Variants in RAI14 observed in about 807,000 individuals in gnomAD.
RAI14 encodes the protein retinoic acid induced 14, also known as ankycorbin.
RAI14 carries 45 observed loss-of-function variants against 115.4 expected under a neutral mutation model. The ratio of observed to expected loss-of-function variants is 0.39; its 90% CI spans 0.31 to 0.50. RAI14 has a LOEUF of 0.50. Ranked by LOEUF, RAI14 falls within the 20% of genes least tolerant of loss-of-function variation. The pLI is 0.85. For synonymous variants in RAI14, 371 were observed against 415.4 expected (o/e 0.89, Z 1.30); for missense variants, 939 against 1,131.2 (o/e 0.83, Z 2.44).
chr5:34,816,225 C>G (rs183405014), intron 12 of RAI14, among the ~76,000 whole-genome samples: 36 of 152,288 alleles, frequency 2.4e-4, no homozygotes, highest in African/African-American at 7.7e-4. Flanking sequence ...AGGTTTCTAT[C>G]TTGCAACTTT....
intron 1 of RAI14, among the ~76,000 whole-genome samples, chr5:34,663,821 G>A (rs921662913): frequency 2.0e-5 from 3 of 152,238 alleles, no homozygotes; most frequent in Admixed American, 1.3e-4. Context: ...AAGTTCAGAA[G>A]ATGTGAAAGA....
At chr5:34,817,712 C>G (rs762260973) in intron 12 of RAI14, among the ~76,000 whole-genome samples, 5 of 152,148 alleles carry the variant, frequency 3.3e-5, no homozygotes, top group Non-Finnish European at 5.9e-5. Flanking sequence ...GAAAAGTCAT[C>G]ATGCTGAGAG....
chr5:34,779,306 C>G (rs1343658731), intron 3 of RAI14, among the ~76,000 whole-genome samples: 8 of 152,138 alleles, frequency 5.3e-5, no homozygotes, highest in Non-Finnish European at 1.2e-4. Flanking sequence ...CCTTTGAAAA[C>G]TGGCACAAGA....
intron 1 of RAI14, among the ~76,000 whole-genome samples, chr5:34,681,369 T>TTTAA (rs896718165): frequency 6.6e-6 from 1 of 152,182 alleles, no homozygotes; most frequent in African/African-American, 2.4e-5. Flanking sequence ...TGGTATGGAT[T>TTTAA]TTAAGTCTGA....
At chr5:34,732,153 G>T (rs1249163122) in intron 2 of RAI14, among the ~76,000 whole-genome samples, 1 of 152,200 alleles carries the variant, frequency 6.6e-6, no homozygotes, top group Non-Finnish European at 1.5e-5. Flanking sequence ...ACAATCAGTT[G>T]TCTAGGGACT....
chr5:34,698,335 T>C (rs1739594193), intron 2 of RAI14, among the ~76,000 whole-genome samples: 1 of 151,332 alleles, frequency 6.6e-6, no homozygotes, highest in African/African-American at 2.4e-5. Flanking sequence ...TCTCAATAAA[T>C]GGCAGCTGCT....
At chr5:34,661,890 A>G (rs1561218137) in intron 1 of RAI14, among the ~76,000 whole-genome samples, 1 of 152,056 alleles carries the variant, frequency 6.6e-6, no homozygotes, top group Non-Finnish European at 1.5e-5. Flanking sequence ...GGCTCAAGTG[A>G]TCCTCCCACC....
chr5:34,773,789 T>C (rs1020922571), intron 3 of RAI14, among the ~76,000 whole-genome samples: 3 of 152,132 alleles, frequency 2.0e-5, no homozygotes, highest in Non-Finnish European at 4.4e-5. Flanking sequence ...AGAAAACTCA[T>C]ACACTGTTGG....
intron 3 of RAI14, among the ~76,000 whole-genome samples, chr5:34,775,883 A>G (rs1465441079): frequency 6.6e-6 from 1 of 152,216 alleles, no homozygotes; most frequent in Non-Finnish European, 1.5e-5. Flanking sequence ...AACTAAAAAT[A>G]GAATTACCAT....
intron 7 of RAI14, among the ~76,000 whole-genome samples, chr5:34,809,498 T>C (rs190372618): frequency 6.6e-6 from 1 of 152,278 alleles, no homozygotes; most frequent in Admixed American, 6.5e-5. Flanking sequence ...TAGAAATAAC[T>C]CCAAGAACAG....
At chr5:34,828,233 T>G (rs1757642807) in intron 16 of RAI14, among the ~76,000 whole-genome samples, 1 of 152,140 alleles carries the variant, frequency 6.6e-6, no homozygotes, top group African/African-American at 2.4e-5. Context: ...TGTGGGATGC[T>G]TTCAGTTGAG....
At position 34,812,161 on chromosome 5, in the gene RAI14, T is replaced by C. The variant is rs1755680063; in HGVS notation, c.737-19T>C. 1.9e-6 allele frequency: 3 copies of C among 1,566,598 alleles called. No individual in the cohort carries two copies. The South Asian group carries it at 3.4e-5, about 18-fold the overall frequency. Reference sequence around the variant, plus strand: ...CATTATGCTTCTTATAGTTCTTTTTTTCACTTTTTCCTCTATAGATTTAAA... The same window carrying C: ...CATTATGCTTCTTATAGTTCTTTTTCTCACTTTTTCCTCTATAGATTTAAA... On this transcript the variant is annotated intron_variant, in intron 9 of 17. Coordinates refer to ENST00000265109, the MANE Select transcript of RAI14 (RefSeq NM_015577.3).
chr5:34,744,858 T>G (rs961925822), intron 2 of RAI14, among the ~76,000 whole-genome samples: 2 of 152,178 alleles, frequency 1.3e-5, no homozygotes, highest in African/African-American at 4.8e-5. Context: ...CCATGCTCCC[T>G]CCCAAGGTTC....
In RAI14 at chr5:34,818,949, A is replaced by C. The variant is rs1359506389; in HGVS notation, c.994+98A>C. ...GGCCAAGCTGGGGTACTGTGTAAAA[A>C]TGTCACAAGCCAGCATGTCCACACA... On this transcript the variant is annotated intron_variant, in intron 13 of 17. Coordinates refer to ENST00000265109, the MANE Select transcript of RAI14 (RefSeq NM_015577.3). 6 of 1,116,524 alleles carry C rather than the reference A, an allele frequency of 5.4e-6. No homozygotes were observed. In the South Asian group the frequency reaches 6.1e-5, roughly 11 times the overall value. 69.2% of individuals were successfully genotyped at this position (1,116,524 alleles called of 1,614,324 possible).
intron 2 of RAI14, among the ~76,000 whole-genome samples, chr5:34,740,324 A>G (rs1745347398): frequency 6.6e-6 from 1 of 152,220 alleles, no homozygotes; most frequent in African/African-American, 2.4e-5. Context: ...CCATAGCACA[A>G]GACCACACGC....
rs1579978993 is a variant in RAI14 at position 34,708,276 on chromosome 5, C to A, written c.36+21321C>A. ...GGGGTGCAATGGCGCGATCTCGGCT[C>A]ACTGCAACCTCTGCCTCCCGCGTTC... On this transcript the variant is annotated intron_variant, in intron 2 of 17. Coordinates refer to ENST00000265109, the MANE Select transcript of RAI14 (RefSeq NM_015577.3). 2.0e-5 allele frequency among the ~76,000 whole-genome samples: 3 copies of A among 151,156 alleles called. No individual in the cohort carries two copies. The South Asian group carries it at 6.3e-4, about 31-fold the overall frequency.
At chr5:34,704,226 A>G (rs1040168545) in intron 2 of RAI14, among the ~76,000 whole-genome samples, 6 of 152,244 alleles carry the variant, frequency 3.9e-5, no homozygotes, top group East Asian at 1.9e-4. Flanking sequence ...TCTGTGTCCA[A>G]TGAGAGAGAA....
At chr5:34,719,970 C>T (rs919973692) in intron 2 of RAI14, among the ~76,000 whole-genome samples, 10 of 151,984 alleles carry the variant, frequency 6.6e-5, no homozygotes, top group African/African-American at 2.4e-4. Flanking sequence ...AAAAGTTCAC[C>T]AATTACATTG....
At position 34,823,570 on chromosome 5, in the gene RAI14, C is replaced by A. The variant is rs749655061; in HGVS notation, c.1728C>A (p.Tyr576Ter). 1 of 1,613,864 alleles carries A rather than the reference C, an allele frequency of 6.2e-7. No homozygotes were observed. The highest frequency in any genetic ancestry group is 8.5e-7 in the Non-Finnish European group (1 of 1,180,012). Residue 576 changes from tyrosine (Y) to a stop codon, truncating the protein, a stop_gained, in exon 15 of 18, where the codon TAC (tyrosine) becomes TAA (stop). Coordinates refer to ENST00000265109, the MANE Select transcript of RAI14 (RefSeq NM_015577.3). LOFTEE classifies it high-confidence loss of function. The surrounding 1 kb of genome is among the most constrained non-coding windows in gnomAD (Gnocchi z 4.5). The part of the protein sequence containing the change: ...GTVIKPPVEE[Y>*]EEMKSSYCSV... Reference sequence around the variant, plus strand: ...TGATTAAGCCACCTGTGGAAGAGTACGAGGAAATGAAAAGTTCATATTGCT... The same window carrying A: ...TGATTAAGCCACCTGTGGAAGAGTAAGAGGAAATGAAAAGTTCATATTGCT...
Sources: allele counts gnomAD v4.1 joint callset (sites outside exome capture counted in the v4.1 genomes callset), GRCh38; gene constraint gnomAD v4.1.1; non-coding constraint Gnocchi (gnomAD v3.1); transcripts MANE v1.5; gene names NCBI Gene and HGNC (gene_info 2026-07-23, HGNC 2026-07-21).